Variants in CWC27 observed in about 807,000 individuals in gnomAD.
CWC27 encodes CWC27 spliceosome associated cyclophilin.
In CWC27, 47 loss-of-function variants were observed where a neutral mutation model predicts 63.6. That is an observed-to-expected ratio of 0.74 (90% CI 0.58 to 0.94). The LOEUF (loss-of-function observed/expected upper bound fraction) is 0.94. CWC27 is among the 40% of genes least tolerant of loss of function. The pLI is 0.00. For synonymous variants in CWC27, 175 were observed against 179.8 expected, an observed-to-expected ratio of 0.97 and a Z score of 0.22; for missense variants, 495 against 554.3, an observed-to-expected ratio of 0.89 and a Z score of 1.07.
At chr5:65,005,554 T>C (rs1028471447) in intron 13 of CWC27, among the ~76,000 whole-genome samples, 4 of 151,340 alleles carry the variant, frequency 2.6e-5, no homozygotes, top group Admixed American at 2.0e-4. Context: ...ATACCACTGG[T>C]GGTGACAGAT....
chr5:64,774,076 C>G (rs1308963869), intron 1 of CWC27, among the ~76,000 whole-genome samples: 1 of 152,128 alleles, frequency 6.6e-6, no homozygotes, highest in Admixed American at 6.5e-5. Context: ...TCTTTAATTT[C>G]TTAATTTGCT....
chr5:64,949,297 A>G (rs899237218), intron 11 of CWC27, among the ~76,000 whole-genome samples: 1 of 152,058 alleles, frequency 6.6e-6, no homozygotes, highest in Non-Finnish European at 1.5e-5. Context: ...TTAGATTTAG[A>G]TAGCAAAATA....
At chr5:64,987,529 T>C (rs1253793513) in intron 13 of CWC27, among the ~76,000 whole-genome samples, 3 of 152,234 alleles carry the variant, frequency 2.0e-5, no homozygotes, top group Non-Finnish European at 4.4e-5. Context: ...CCATTCATGT[T>C]ACTCTTTCTT....
chr5:64,907,241 T>G (rs1747667131), intron 11 of CWC27, among the ~76,000 whole-genome samples: 1 of 152,234 alleles, frequency 6.6e-6, no homozygotes, highest in South Asian at 2.1e-4. Context: ...GCATTGAATC[T>G]ATAAATTACC....
chr5:64,989,966 A>AG (rs1220783462), intron 13 of CWC27, among the ~76,000 whole-genome samples: 1 of 152,002 alleles, frequency 6.6e-6, no homozygotes, highest in Non-Finnish European at 1.5e-5. Context: ...AGTTAATCTG[A>AG]GAAAAAAAAA....
At chr5:64,790,246 T>G (rs1436842661) in intron 7 of CWC27, among the ~76,000 whole-genome samples, 1 of 152,140 alleles carries the variant, frequency 6.6e-6, no homozygotes, top group African/African-American at 2.4e-5. Flanking sequence ...CAGAGTTGCT[T>G]TAGGAAAGGT....
At chr5:64,877,156 T>C (rs930260476) in intron 10 of CWC27, among the ~76,000 whole-genome samples, 1 of 151,956 alleles carries the variant, frequency 6.6e-6, no homozygotes, top group African/African-American at 2.4e-5. Flanking sequence ...AGATGTGGAG[T>C]CGACCTTAGA....
chr5:64,793,920 G>A (rs1371032941), intron 7 of CWC27, among the ~76,000 whole-genome samples: 1 of 152,072 alleles, frequency 6.6e-6, no homozygotes, highest in Non-Finnish European at 1.5e-5. Flanking sequence ...TTATCAGTGT[G>A]GGATTACAGA....
At chr5:64,943,137 A>G (rs577046295) in intron 11 of CWC27, among the ~76,000 whole-genome samples, 1 of 152,280 alleles carries the variant, frequency 6.6e-6, no homozygotes, top group South Asian at 2.1e-4. Flanking sequence ...CATCAGTATG[A>G]TTATACTCCT....
intron 13 of CWC27, among the ~76,000 whole-genome samples, chr5:65,016,464 C>T (rs1194330438): frequency 6.6e-6 from 1 of 151,958 alleles, no homozygotes; most frequent in Admixed American, 6.6e-5. Flanking sequence ...AGCAAGATCT[C>T]ATCTCAAAAA....
At chr5:64,838,437 T>C (rs989979934) in intron 10 of CWC27, among the ~76,000 whole-genome samples, 1 of 152,190 alleles carries the variant, frequency 6.6e-6, no homozygotes, top group African/African-American at 2.4e-5. Context: ...GGAAAGTTCA[T>C]TTCTTACTAT....
chr5:64,780,047 A>T (rs1300472798), intron 2 of CWC27, among the ~76,000 whole-genome samples: 6 of 152,142 alleles, frequency 3.9e-5, no homozygotes, highest in Non-Finnish European at 8.8e-5. Flanking sequence ...TAGCAGTGTG[A>T]GAATGGACTA....
At chr5:64,919,552 T>C (rs866436689) in intron 11 of CWC27, among the ~76,000 whole-genome samples, 1 of 152,202 alleles carries the variant, frequency 6.6e-6, no homozygotes, top group Admixed American at 6.5e-5. Context: ...GTTCTCGTCT[T>C]TGTGGCCATG....
At chr5:64,790,608 T>A (rs958605010) in intron 7 of CWC27, among the ~76,000 whole-genome samples, 1 of 152,098 alleles carries the variant, frequency 6.6e-6, no homozygotes, top group African/African-American at 2.4e-5. Flanking sequence ...GTATGCTCTC[T>A]CCTTAAAGTG....
chr5:64,869,069 CTAAT>C (rs1746603150), intron 10 of CWC27, among the ~76,000 whole-genome samples: 2 of 151,990 alleles, frequency 1.3e-5, no homozygotes, highest in Admixed American at 1.3e-4. Context: ...ATGTGAAATT[CTAAT>C]TAATTACTTT....
chr5:64,789,830 G>A (rs897942400), intron 7 of CWC27, among the ~76,000 whole-genome samples: 2 of 152,056 alleles, frequency 1.3e-5, no homozygotes, highest in African/African-American at 4.8e-5. Flanking sequence ...AAAGGATTAG[G>A]TTTATAGTCT....
At chr5:65,012,949 T>A (rs1749987785) in intron 13 of CWC27, among the ~76,000 whole-genome samples, 1 of 152,140 alleles carries the variant, frequency 6.6e-6, no homozygotes, top group Admixed American at 6.5e-5. Flanking sequence ...ACCTTTGGAG[T>A]TGGAAGCCTG....
At chr5:64,979,710 T>G (rs1309577) in intron 13 of CWC27, among the ~76,000 whole-genome samples, 69,192 of 152,008 alleles carry the variant, frequency 0.46, 15,921 homozygotes, top group African/African-American at 0.5. Context: ...AAGTCAGCCA[T>G]TGTGCTGTAC....
chr5:64,826,076 A>AATCTATCTATCT (rs148024057), intron 10 of CWC27, among the ~76,000 whole-genome samples: 6,222 of 148,334 alleles, frequency 0.042, 153 homozygotes, highest in East Asian at 0.097. Flanking sequence ...CTTTGTAATA[A>AATCTATCTATCT]ATCTATCTAT....
Sources: gnomAD v4.1 joint callset for allele counts (sites outside exome capture counted in the v4.1 genomes callset) on GRCh38, gnomAD v4.1.1 for gene constraint, MANE v1.5 for transcripts, NCBI Gene and HGNC (gene_info 2026-07-23, HGNC 2026-07-21) for gene names.